RHBDL1: variants seen among roughly 807,000 people sequenced by gnomAD.
RHBDL1 encodes the protein rhomboid-related protein 1.
In RHBDL1, 21 loss-of-function variants were observed where a neutral mutation model predicts 34.0. That is an observed-to-expected ratio of 0.62 (90% CI 0.44 to 0.89). The LOEUF (loss-of-function observed/expected upper bound fraction) is 0.89. Ranked by LOEUF, RHBDL1 falls within the 40% of genes least tolerant of loss-of-function variation. The pLI is 0.00. For synonymous variants in RHBDL1, 268 were observed against 234.8 expected (o/e 1.14, Z -1.29); for missense variants, 450 against 530.6 (o/e 0.85, Z 1.49).
At chr16:675,909 C>G in intron 1 of RHBDL1, 80 bp downstream of exon 1, 5 of 1,431,888 alleles carry the variant, frequency 3.5e-6, no homozygotes, top group Non-Finnish European at 4.6e-6. Context: ...TGTGCGGGAC[C>G]GAGCTCCCCG....
rs1452358678 is a variant in RHBDL1, at chr16:678,065, G to A, written c.*13G>A. 4 of 1,546,100 alleles carry A rather than the reference G, an allele frequency of 2.6e-6. No individual in the cohort carries two copies. Among genetic ancestry groups the A allele is most frequent in the African/African-American group, 2.7e-5 (2 of 73,620 alleles). ...CCCACCGCCCTGACCGGCTACCTGA[G>A]GCTGCACAGGCCAGGGCTCGGGCAT... On this transcript the variant is annotated 3_prime_UTR_variant, in exon 8 of 8. Coordinates refer to ENST00000352681, the MANE Select transcript of RHBDL1 (RefSeq NM_001278720.2).
chr16:676,135 G>A lies in RHBDL1; in HGVS notation c.40-201G>A. 1 of 1,464,226 alleles carries A rather than the reference G, an allele frequency of 6.8e-7. No individual in the cohort carries two copies. The highest frequency in any genetic ancestry group is 1.4e-5 in the South Asian group (1 of 71,374). The allele number at this position is 1,464,226 out of a possible 1,614,324, so 90.7% of individuals were successfully genotyped here. A position where few individuals can be genotyped will look rare whatever the true frequency, so the allele number is the denominator to read the frequency against. The stretch of plus-strand genomic sequence containing the variant: ...GGTGGAAGACGGGGGAACAACTGAG[G>A]AGCTGGAGGACTGGGACCCAGGCAC... On this transcript the variant is annotated intron_variant, in intron 1 of 7. Transcript: ENST00000352681. This position sits in a 1 kb window ranked among gnomAD's most constrained non-coding sequence, Gnocchi z 6.9.
Position 676,326 on chromosome 16 carries a change from C to T in RHBDL1, c.40-10C>T. 1 of 1,608,346 alleles carries T rather than the reference C, an allele frequency of 6.2e-7. No individual in the cohort carries two copies. Among genetic ancestry groups the T allele is most frequent in the Non-Finnish European group, 8.5e-7 (1 of 1,178,254 alleles). ...GCACTCAGGCCTTGGCTGGCGGCTCCTCACTGCAGCAGCTGGACCCCGAGA... is the reference window on the plus strand; with the variant it reads ...GCACTCAGGCCTTGGCTGGCGGCTCTTCACTGCAGCAGCTGGACCCCGAGA... On this transcript the variant is annotated splice_polypyrimidine_tract_variant and intron_variant, in intron 1 of 7. Transcript: ENST00000352681. The surrounding 1 kb of genome is among the most constrained non-coding windows in gnomAD (Gnocchi z 6.9).
chr16:676,607 G>C lies in RHBDL1; in HGVS notation c.202-65G>C. 1 of 1,589,414 alleles carries C rather than the reference G, an allele frequency of 6.3e-7. No homozygotes were observed. Among genetic ancestry groups the C allele is most frequent in the Non-Finnish European group, 8.5e-7 (1 of 1,170,066 alleles). On this transcript the variant is annotated intron_variant, in intron 2 of 7. Transcript: ENST00000352681. This position sits in a 1 kb window ranked among gnomAD's most constrained non-coding sequence, Gnocchi z 6.9. The stretch of plus-strand genomic sequence containing the variant: ...GGGGCTTGTGGATGCGGGGAGCTGG[G>C]TGAGCCTCACAGGCAGGGGTGCCAT...
Position 677,490 on chromosome 16 carries a change from G to A in RHBDL1, c.720G>A (p.Arg240=), listed in dbSNP as rs2039569399. 6.2e-7 allele frequency: 1 copy of A among 1,608,732 alleles called. No homozygotes were observed. The highest frequency in any genetic ancestry group is 1.3e-5 in the African/African-American group (1 of 74,920). Residue 240 remains arginine, a synonymous_variant, in exon 6 of 8, where the codon CGG becomes CGA. Transcript: ENST00000352681. The part of the protein sequence containing the change: ...GSLTVSITDM[R]APVVGGSGGV... ...TAACCGTCTCCATCACCGACATGCG[G>A]GCCCCGGTGGTGGGAGGCTCCGGCG...
Position 676,746 on chromosome 16 carries a change from G to A in RHBDL1, c.276G>A (p.Pro92=), listed in dbSNP as rs747201068. 42 of 1,611,682 alleles carry A rather than the reference G, an allele frequency of 2.6e-5. 1 individual carries two copies. Among genetic ancestry groups the A allele is most frequent in the South Asian group, 8.8e-5 (8 of 91,010 alleles). ...NGQRALPRDG[P]LDEPGLGVYK... is the part of the protein sequence containing the mutation. The stretch of plus-strand genomic sequence containing the variant: ...AGCGGGCACTGCCCCGGGACGGGCC[G>A]CTGGATGAGCCAGGCCTAGGTGTCT... The change falls in exon 3 of 8, where the codon CCG becomes CCA. Residue 92 remains proline (P), a synonymous_variant. Coordinates refer to ENST00000352681, the MANE Select transcript of RHBDL1 (RefSeq NM_001278720.2). The surrounding 1 kb of genome is among the most constrained non-coding windows in gnomAD (Gnocchi z 6.9).
At position 676,979 on chromosome 16, in the gene RHBDL1, G is replaced by A; in HGVS notation, c.435G>A (p.Val145=). The A allele has an allele frequency of 6.2e-7, 1 of 1,612,460 alleles. No homozygotes were observed. Among genetic ancestry groups the A allele is most frequent in the Non-Finnish European group, 8.5e-7 (1 of 1,179,812 alleles). ...MASVTLAQII[V]FLCYGARLNK... is the part of the protein sequence containing the mutation. ...AACACTCGTGTCCCCAGATCATCGTGTTCCTGTGTTACGGGGCCCGCCTCA... is the reference window on the plus strand; with the variant it reads ...AACACTCGTGTCCCCAGATCATCGTATTCCTGTGTTACGGGGCCCGCCTCA... The change falls in exon 4 of 8, where the codon GTG becomes GTA. Residue 145 remains valine, a synonymous_variant. Coordinates refer to ENST00000352681, the MANE Select transcript of RHBDL1 (RefSeq NM_001278720.2). The surrounding 1 kb of genome is among the most constrained non-coding windows in gnomAD (Gnocchi z 6.9).
intron 4 of RHBDL1, 76 bp from the exon 5 acceptor site, chr16:677,200 A>G: frequency 6.4e-7 from 1 of 1,572,402 alleles, no homozygotes; most frequent in Non-Finnish European, 8.6e-7. Flanking sequence ...CAGGTGCGGC[A>G]ACTTGAGGTG....
At position 676,297 on chromosome 16, in the gene RHBDL1, GC is replaced by G; in HGVS notation, c.40-36del. ...CCCAGCCCTTTGGTCCAGGGGTCGG[GC>G]CCGCACTCAGGCCTTGGCTGGCGGC... On this transcript the variant is annotated intron_variant, in intron 1 of 7. Transcript: ENST00000352681. This position sits in a 1 kb window ranked among gnomAD's most constrained non-coding sequence, Gnocchi z 6.9. 4 of 1,597,392 alleles carry G rather than the reference GC, an allele frequency of 2.5e-6. No homozygotes were observed. In the East Asian group the frequency reaches 9.1e-5, roughly 36 times the overall value.
chr16:677,404 A>G lies in RHBDL1; in HGVS notation c.688+16A>G. 1.3e-6 allele frequency: 2 copies of G among 1,565,940 alleles called. No individual in the cohort carries two copies. Among genetic ancestry groups the G allele is most frequent in the East Asian group, 4.8e-5 (2 of 41,866 alleles). On this transcript the variant is annotated intron_variant, in intron 5 of 7. Coordinates refer to ENST00000352681, the MANE Select transcript of RHBDL1 (RefSeq NM_001278720.2). ...GTGCTGGCAGGTGAGGCAGGCGCGC[A>G]CCCCCGCCCCCTGCCCTGGCCGGCT...
Position 676,721 on chromosome 16 carries a change from A to G in RHBDL1, c.251A>G (p.Gln84Arg). 1 of 1,612,250 alleles carries G rather than the reference A, an allele frequency of 6.2e-7. No homozygotes were observed. The highest frequency in any genetic ancestry group is 8.5e-7 in the Non-Finnish European group (1 of 1,179,866). The change falls in exon 3 of 8, where the codon CAG (glutamine) becomes CGG (arginine). Residue 84 changes from glutamine to arginine, a missense_variant. Coordinates refer to ENST00000352681, the MANE Select transcript of RHBDL1 (RefSeq NM_001278720.2). This position sits in a 1 kb window ranked among gnomAD's most constrained non-coding sequence, Gnocchi z 6.9. ...TTCAAGCGGGCCATTGCTAACGGAC[A>G]GCGGGCACTGCCCCGGGACGGGCCG... is the stretch of plus-strand genomic sequence containing the variant. ...SSFKRAIANG[Q>R]RALPRDGPLD...
rs373333377 is a variant in RHBDL1 at position 677,766 on chromosome 16, C to G, written c.851-15C>G. The stretch of plus-strand genomic sequence containing the variant: ...TGCAGCCAGGGCACCTCCCACCTGC[C>G]GCGTCCCTCTGCAGTGAGCTCCGAG... On this transcript the variant is annotated splice_polypyrimidine_tract_variant and intron_variant, in intron 7 of 7. Coordinates refer to ENST00000352681, the MANE Select transcript of RHBDL1 (RefSeq NM_001278720.2). The G allele has an allele frequency of 2.0e-6, 3 of 1,521,116 alleles. No individual in the cohort carries two copies. The highest frequency in any genetic ancestry group is 2.6e-6 in the Non-Finnish European group (3 of 1,136,838). The allele number at this position is 1,521,116 out of a possible 1,614,324, so 94.2% of individuals were successfully genotyped here. A position where few individuals can be genotyped will look rare whatever the true frequency, so the allele number is the denominator to read the frequency against.
Position 677,034 on chromosome 16 carries a change from G to C in RHBDL1, c.490G>C (p.Glu164Gln). 6.2e-7 allele frequency: 1 copy of C among 1,612,858 alleles called. No homozygotes were observed. Reference protein sequence around the residue: ...NKWVLQTYHPEYMKSPLVYHP... With the variant: ...NKWVLQTYHPQYMKSPLVYHP... ...GTGGGTGCTGCAGACCTACCACCCC[G>C]AGTACATGAAGAGCCCCCTTGTGTA... is the stretch of plus-strand genomic sequence containing the variant. The change falls in exon 4 of 8, where the codon GAG becomes CAG. Residue 164 changes from glutamate to glutamine, a missense_variant. Physicochemically the swap from Glu to Gln is conservative, Grantham distance 29. Coordinates refer to ENST00000352681, the MANE Select transcript of RHBDL1 (RefSeq NM_001278720.2).
rs201225250 is a variant in RHBDL1 at position 676,843 on chromosome 16, C to T, written c.373C>T (p.Arg125Cys). The stretch of plus-strand genomic sequence containing the variant: ...GGTGGACCGCCGCTGGTACTTCTAC[C>T]GTCACCGCAGCTGCCCACCCCCCGT... ...CEVDRRWYFY[R>C]HRSCPPPVFM... Residue 125 changes from arginine (R) to cysteine (C), a missense_variant, in exon 3 of 8, where the codon CGT becomes TGT. Transcript: ENST00000352681. This position sits in a 1 kb window ranked among gnomAD's most constrained non-coding sequence, Gnocchi z 6.9. The T allele has an allele frequency of 1.1e-5, 18 of 1,611,964 alleles. No individual in the cohort carries two copies. The highest frequency in any genetic ancestry group is 3.3e-5 in the Admixed American group (2 of 59,948).
Position 677,306 on chromosome 16 carries a change from G to A in RHBDL1, c.606G>A (p.Leu202=), listed in dbSNP as rs1043628972. The change falls in exon 5 of 8, where the codon CTG becomes CTA. Residue 202 remains leucine (L), a synonymous_variant. Coordinates refer to ENST00000352681, the MANE Select transcript of RHBDL1 (RefSeq NM_001278720.2). ...GLEQLGFNAL[L]QLMIGVPLEM... ...AGCAGCTGGGGTTCAACGCCCTCCT[G>A]CAGCTGATGATCGGGGTGCCCCTGG... 48 of 1,571,222 alleles carry A rather than the reference G, an allele frequency of 3.1e-5. No homozygotes were observed. The highest frequency in any genetic ancestry group is 4.1e-5 in the Non-Finnish European group (47 of 1,159,088).
In RHBDL1 at chr16:676,943, A is replaced by G. The variant is rs200659143; in HGVS notation, c.427-28A>G. 5 of 1,611,312 alleles carry G rather than the reference A, an allele frequency of 3.1e-6. No homozygotes were observed. The highest frequency in any genetic ancestry group is 2.7e-5 in the African/African-American group (2 of 74,932). On this transcript the variant is annotated intron_variant, in intron 3 of 7. Transcript: ENST00000352681. This position sits in a 1 kb window ranked among gnomAD's most constrained non-coding sequence, Gnocchi z 6.9. ...CCGGGAGCCTCCCGCGCTCCTGGCC[A>G]TGACCAGCCTAACACTCGTGTCCCC...
In RHBDL1 at chr16:676,911, C is replaced by T. The variant is rs370283056; in HGVS notation, c.426+15C>T. The T allele has an allele frequency of 1.2e-4, 189 of 1,611,662 alleles. 1 individual carries two copies. The African/African-American group carries it at 2.0e-3, about 17-fold the overall frequency. On this transcript the variant is annotated intron_variant, in intron 3 of 7. Coordinates refer to ENST00000352681, the MANE Select transcript of RHBDL1 (RefSeq NM_001278720.2). This position sits in a 1 kb window ranked among gnomAD's most constrained non-coding sequence, Gnocchi z 6.9. Reference sequence around the variant, plus strand: ...CTCTTGCCCAGGTGGGCCCCCCGGCCGCTGCCCCGGGAGCCTCCCGCGCTC... The same window carrying T: ...CTCTTGCCCAGGTGGGCCCCCCGGCTGCTGCCCCGGGAGCCTCCCGCGCTC...
chr16:676,549 G>C lies in RHBDL1; in HGVS notation c.201+52G>C. 6.4e-7 allele frequency: 1 copy of C among 1,569,240 alleles called. No individual in the cohort carries two copies. Among genetic ancestry groups the C allele is most frequent in the Non-Finnish European group, 8.6e-7 (1 of 1,161,596 alleles). On this transcript the variant is annotated intron_variant, in intron 2 of 7. Transcript: ENST00000352681. The surrounding 1 kb of genome is among the most constrained non-coding windows in gnomAD (Gnocchi z 6.9). ...GGGGCACGGTGTCCTGGCCAGAGGA[G>C]GCGGGCAGGCAGCTCCTCACGGCGG... is the stretch of plus-strand genomic sequence containing the variant.
chr16:677,578 G>C lies in RHBDL1; in HGVS notation c.789+19G>C, dbSNP rs763740101. 1.2e-6 allele frequency: 2 copies of C among 1,606,760 alleles called. No homozygotes were observed. Among genetic ancestry groups the C allele is most frequent in the South Asian group, 1.1e-5 (1 of 90,402 alleles). ...TGTCATGGTAACGGGCCTGCCCGGT[G>C]GGGGGCGTGGGGAGGGGCCCCAGGT... On this transcript the variant is annotated intron_variant, in intron 6 of 7. Transcript: ENST00000352681.
Sources: allele counts gnomAD v4.1 joint callset, GRCh38; gene constraint gnomAD v4.1.1; non-coding constraint Gnocchi (gnomAD v3.1); transcripts MANE v1.5; gene names NCBI Gene and HGNC (gene_info 2026-07-23, HGNC 2026-07-21).